IQCM: variants seen among roughly 807,000 people sequenced by gnomAD.
IQCM encodes IQ domain-containing protein M.
Under a neutral mutation model 57.6 loss-of-function variants are expected in IQCM, and 45 were observed. The ratio of observed to expected loss-of-function variants is 0.78; its 90% CI spans 0.62 to 1.00. The LOEUF (loss-of-function observed/expected upper bound fraction) is 1.00, where lower values mean the gene tolerates loss of function less well. Among genes scored for constraint, IQCM ranks in the 50% least tolerant of loss-of-function variants. IQCM has a pLI of 0.00. For missense variants in IQCM, 468 were observed against 511.6 expected, an observed-to-expected ratio of 0.91 and a Z score of 0.82; for synonymous variants, 148 against 158.9, an observed-to-expected ratio of 0.93 and a Z score of 0.51.
chr4:149,769,113 A>G (rs1451964161), intron 2 of IQCM, among the ~76,000 whole-genome samples: 1 of 152,104 alleles, frequency 6.6e-6, no homozygotes, highest in Admixed American at 6.6e-5. Flanking sequence ...AAGTATCACT[A>G]TGGCATTAGA....
At chr4:149,478,970 C>T (rs534737388) in intron 12 of IQCM, among the ~76,000 whole-genome samples, 2 of 8,368 alleles carry the variant, frequency 2.4e-4, no homozygotes, top group South Asian at 0.012. Context: ...CCCCCAAATT[C>T]TTAACAAATC....
At chr4:149,609,003 A>T (rs1579683869) in intron 8 of IQCM, among the ~76,000 whole-genome samples, 1 of 151,902 alleles carries the variant, frequency 6.6e-6, no homozygotes, top group East Asian at 1.9e-4. Context: ...GTTGAGCCAG[A>T]CTGAAAAAAC....
intron 2 of IQCM, among the ~76,000 whole-genome samples, chr4:149,769,016 A>G (rs896387622): frequency 6.6e-6 from 1 of 152,158 alleles, no homozygotes; most frequent in Non-Finnish European, 1.5e-5. Flanking sequence ...TGCAGATCAT[A>G]GAGTGAAATA....
At chr4:149,397,844 G>T (rs1206844746) in intron 13 of IQCM, among the ~76,000 whole-genome samples, 4 of 151,872 alleles carry the variant, frequency 2.6e-5, no homozygotes, top group African/African-American at 9.6e-5. Context: ...CAGATATATG[G>T]TTTGCAAATA....
Position 149,709,911 on chromosome 4 carries a change from A to G in IQCM, c.385+23333T>C, listed in dbSNP as rs578113697. 3.6e-4 allele frequency among the ~76,000 whole-genome samples: 55 copies of G among 152,276 alleles called. 1 individual carries two copies. The South Asian group carries it at 0.011, about 31-fold the overall frequency. Reference sequence around the variant, plus strand: ...CTAACACAGGAACAAGTCTAGGAAGATATAAAATTCACTACAGTTTCAAGA... The same window carrying G: ...CTAACACAGGAACAAGTCTAGGAAGGTATAAAATTCACTACAGTTTCAAGA... On this transcript the variant is annotated intron_variant, in intron 5 of 13. Transcript: ENST00000636793.
chr4:149,477,466 T>C (rs1384687940), intron 12 of IQCM, among the ~76,000 whole-genome samples: 1 of 152,066 alleles, frequency 6.6e-6, no homozygotes, highest in Admixed American at 6.6e-5. Context: ...ATTTAGAGTA[T>C]TTACTCTGTA....
intron 12 of IQCM, among the ~76,000 whole-genome samples, chr4:149,452,843 C>A (rs1426875644): frequency 6.6e-6 from 1 of 151,016 alleles, no homozygotes; most frequent in African/African-American, 2.4e-5. Context: ...AGATTATTCT[C>A]TAGCAAAGTT....
intron 13 of IQCM, among the ~76,000 whole-genome samples, chr4:149,405,126 G>A (rs931248057): frequency 1.3e-5 from 2 of 151,698 alleles, no homozygotes; most frequent in Admixed American, 1.3e-4. Flanking sequence ...AGAAAAATTA[G>A]GCCAAAAAAG....
chr4:149,799,102 A>G (rs6813406), intron 2 of IQCM, among the ~76,000 whole-genome samples: 2,718 of 151,908 alleles, frequency 0.018, 86 homozygotes, highest in African/African-American at 0.063. Context: ...AGATCACAAA[A>G]CAAGGCTTAA....
chr4:149,357,322 C>T (rs1333057531), intron 13 of IQCM, among the ~76,000 whole-genome samples: 2 of 152,240 alleles, frequency 1.3e-5, no homozygotes, highest in South Asian at 2.1e-4. Context: ...CTGTCTTGTG[C>T]CAGTTTTCAA....
Position 149,730,717 on chromosome 4 carries a change from T to C in IQCM, c.385+2527A>G, listed in dbSNP as rs187975330. Among the ~76,000 whole-genome samples, 18 of 152,344 alleles carry C rather than the reference T, an allele frequency of 1.2e-4. No homozygotes were observed. The East Asian group carries it at 1.5e-3, about 13-fold the overall frequency. On this transcript the variant is annotated intron_variant, in intron 5 of 13. Transcript: ENST00000636793. The stretch of plus-strand genomic sequence containing the variant: ...TCTATTCCTGACACCTAAATCTGAA[T>C]CAGATATCCTCCTATTCACTTTAAA...
Position 149,425,862 on chromosome 4 carries a change from T to C in IQCM, c.1390+7534A>G, listed in dbSNP as rs116162062. On this transcript the variant is annotated intron_variant, in intron 13 of 13. Coordinates refer to ENST00000636793, the MANE Select transcript of IQCM (RefSeq NM_001363507.2). The stretch of plus-strand genomic sequence containing the variant: ...AAACTCCAGTCATAATAGATTTCCG[T>C]TTCAAACTATTATACAGATTTATTT... Among the ~76,000 whole-genome samples, 493 of 152,134 alleles carry C rather than the reference T, an allele frequency of 3.2e-3. 2 individuals are homozygous for C. The highest frequency in any genetic ancestry group is 5.6e-3 in the Non-Finnish European group (378 of 67,952).
intron 13 of IQCM, among the ~76,000 whole-genome samples, chr4:149,403,541 C>A (rs867604222): frequency 1.1e-4 from 17 of 151,858 alleles, no homozygotes; most frequent in Middle Eastern, 3.2e-3. Context: ...TCAGCCTCAG[C>A]TACTCTATTT....
intron 7 of IQCM, among the ~76,000 whole-genome samples, chr4:149,646,445 G>A: frequency 6.6e-6 from 1 of 151,172 alleles, no homozygotes; most frequent in Non-Finnish European, 1.5e-5. Context: ...CAAAAGTATT[G>A]GTATAACATC....
Position 149,600,149 on chromosome 4 carries a change from T to G in IQCM, c.682-12152A>C, listed in dbSNP as rs571989199. ...TATTGAGGACTAATTTGAATGTAAA[T>G]CCATTCTAAATGATGAGTTCTGCTA... On this transcript the variant is annotated intron_variant, in intron 8 of 13. Transcript: ENST00000636793. Among the ~76,000 whole-genome samples the G allele has an allele frequency of 3.3e-5, 5 of 152,252 alleles. No homozygotes were observed. The East Asian group carries it at 9.7e-4, about 29-fold the overall frequency.
intron 5 of IQCM, among the ~76,000 whole-genome samples, chr4:149,687,570 T>C (rs1352086180): frequency 2.0e-5 from 3 of 151,620 alleles, no homozygotes; most frequent in Non-Finnish European, 4.4e-5. Context: ...CTCCACAAAA[T>C]AGAGAAAGAG....
intron 10 of IQCM, among the ~76,000 whole-genome samples, chr4:149,562,156 T>C (rs1350042918): frequency 6.6e-6 from 1 of 152,166 alleles, no homozygotes; most frequent in East Asian, 1.9e-4. Context: ...GCAATATAGG[T>C]CTTCAAAAAG....
intron 3 of IQCM, among the ~76,000 whole-genome samples, chr4:149,741,122 C>T (rs183602050): frequency 1.3e-5 from 2 of 152,220 alleles, no homozygotes; most frequent in Admixed American, 6.5e-5. Flanking sequence ...ATCTGGTTAT[C>T]ATCTCCTAAA....
At chr4:149,421,796 A>G (rs1220817365) in intron 13 of IQCM, among the ~76,000 whole-genome samples, 1 of 152,060 alleles carries the variant, frequency 6.6e-6, no homozygotes, top group Non-Finnish European at 1.5e-5. Context: ...TTAGTATAAG[A>G]TTTACATGCC....
Sources: allele counts gnomAD v4.1 joint callset (sites outside exome capture counted in the v4.1 genomes callset), GRCh38; gene constraint gnomAD v4.1.1; transcripts MANE v1.5; gene names NCBI Gene and HGNC (gene_info 2026-07-23, HGNC 2026-07-21).